Variants in BRAF observed in about 807,000 individuals in gnomAD.
BRAF encodes the protein serine/threonine-protein kinase B-raf.
In BRAF, 16 loss-of-function variants were observed where a neutral mutation model predicts 104.6. The ratio of observed to expected loss-of-function variants is 0.15; its 90% CI spans 0.10 to 0.23. The LOEUF is 0.23. Among genes scored for constraint, BRAF ranks in the 10% least tolerant of loss-of-function variants. BRAF has a pLI of 1.00. For synonymous variants in BRAF, 310 were observed against 341.6 expected, an observed-to-expected ratio of 0.91 and a Z score of 1.02; for missense variants, 541 against 937.3, an observed-to-expected ratio of 0.58 and a Z score of 5.52.
Position 140,724,108 on chromosome 7 carries a change from A to AG in BRAF, c.*2385dup. On this transcript the variant is annotated 3_prime_UTR_variant, in exon 20 of 20. Transcript: ENST00000644969. ...TGCTCCCCCGTTCAAATGAGATACC[A>AG]GCCTATTCTAAAATGCAAGGGAAGA... 9.5e-7 allele frequency: 1 copy of AG among 1,051,160 alleles called. No individual in the cohort carries two copies. Among genetic ancestry groups the AG allele is most frequent in the Non-Finnish European group, 1.1e-6 (1 of 870,420 alleles). The allele number at this position is 1,051,160 out of a possible 1,614,324, so 65.1% of individuals were successfully genotyped here.
rs190361963 is a variant in BRAF, at chr7:140,898,231, A to G, written c.138+26335T>C. Among the ~76,000 whole-genome samples, 613 of 152,284 alleles carry G rather than the reference A, an allele frequency of 4.0e-3. 1 individual carries two copies. The highest frequency in any genetic ancestry group is 6.5e-3 in the Non-Finnish European group (445 of 68,012). Reference sequence around the variant, plus strand: ...AAATAAATAAAAATACAAATAAAAAAGGACTAGAAGGAAATATTTGACATG... The same window carrying G: ...AAATAAATAAAAATACAAATAAAAAGGGACTAGAAGGAAATATTTGACATG... On this transcript the variant is annotated intron_variant, in intron 1 of 19. Coordinates refer to ENST00000644969, the MANE Select transcript of BRAF (RefSeq NM_001374258.1).
chr7:140,767,067 G>A (rs369628314), intron 14 of BRAF, among the ~76,000 whole-genome samples: 34 of 152,102 alleles, frequency 2.2e-4, no homozygotes, highest in African/African-American at 6.3e-4. Flanking sequence ...GCAGTGGCGC[G>A]ATCTTGACTC....
At chr7:140,810,165 T>A (rs988877586) in intron 3 of BRAF, among the ~76,000 whole-genome samples, 5 of 152,174 alleles carry the variant, frequency 3.3e-5, no homozygotes, top group South Asian at 2.1e-4. Context: ...AAGGTAAATA[T>A]AAGACAGCTG....
At chr7:140,787,030 G>A (rs189216268) in intron 9 of BRAF, among the ~76,000 whole-genome samples, 40 of 152,162 alleles carry the variant, frequency 2.6e-4, no homozygotes, top group African/African-American at 8.7e-4. Flanking sequence ...GGCCGGGCGC[G>A]GTGGCTCACG....
intron 7 of BRAF, among the ~76,000 whole-genome samples, chr7:140,798,124 A>G (rs1802675316): frequency 6.6e-6 from 1 of 152,192 alleles, no homozygotes; most frequent in Admixed American, 6.5e-5. Context: ...ACTGATTTTG[A>G]AAAGATTTCT....
Position 140,736,242 on chromosome 7 carries a change from G to A in BRAF, c.2248-1472C>T, listed in dbSNP as rs185925858. The stretch of plus-strand genomic sequence containing the variant: ...TGTGCCACCACGCCCGGATAATTTT[G>A]TATTTTTAGTAGAGACGGGTATCAC... On this transcript the variant is annotated intron_variant, in intron 18 of 19. Transcript: ENST00000644969. 5.3e-5 allele frequency among the ~76,000 whole-genome samples: 8 copies of A among 151,134 alleles called. No homozygotes were observed. In the East Asian group the frequency reaches 1.2e-3, roughly 22 times the overall value.
chr7:140,922,612 A>C (rs1163450453), intron 1 of BRAF, among the ~76,000 whole-genome samples: 1 of 152,246 alleles, frequency 6.6e-6, no homozygotes, highest in Non-Finnish European at 1.5e-5. Context: ...ACAATTCAAC[A>C]AAACTACACA....
At chr7:140,757,934 T>G (rs1470257045) in intron 14 of BRAF, among the ~76,000 whole-genome samples, 2 of 152,250 alleles carry the variant, frequency 1.3e-5, no homozygotes, top group Non-Finnish European at 2.9e-5. Context: ...GATCTTATCC[T>G]TAAGAAAACA....
At chr7:140,786,957 G>A (rs1170565087) in intron 9 of BRAF, among the ~76,000 whole-genome samples, 1 of 152,140 alleles carries the variant, frequency 6.6e-6, no homozygotes, top group East Asian at 1.9e-4. Context: ...GAACGTGTCC[G>A]ATCTTGTCTG....
At chr7:140,714,191 C>T in the BRAF span, among the ~76,000 whole-genome samples, 7 of 152,206 alleles carry the variant, frequency 4.6e-5, no homozygotes, top group Non-Finnish European at 8.8e-5. Flanking sequence ...GAGCTGCAGA[C>T]GGGAGCTGTT....
intron 3 of BRAF, among the ~76,000 whole-genome samples, chr7:140,809,354 A>G (rs557494360): frequency 6.6e-6 from 1 of 152,342 alleles, no homozygotes; most frequent in South Asian, 2.1e-4. Flanking sequence ...TTGATCCAAT[A>G]CTGTTCAAAG....
At chr7:140,889,439 A>C (rs17161763) in intron 1 of BRAF, among the ~76,000 whole-genome samples, 45,582 of 151,946 alleles carry the variant, frequency 0.3, 10,921 homozygotes, top group African/African-American at 0.67. Flanking sequence ...AAATATTACC[A>C]TTTTCTTCAG....
intron 1 of BRAF, among the ~76,000 whole-genome samples, chr7:140,895,188 A>ATTAC (rs1814739805): frequency 6.6e-6 from 1 of 152,236 alleles, no homozygotes; most frequent in South Asian, 2.1e-4. Flanking sequence ...TACCAATACA[A>ATTAC]TTACTTACCT....
At chr7:140,737,492 C>T (rs1020175624) in intron 18 of BRAF, among the ~76,000 whole-genome samples, 1 of 152,192 alleles carries the variant, frequency 6.6e-6, no homozygotes, top group African/African-American at 2.4e-5. Context: ...TTCATATTCC[C>T]TTTGCCCATT....
At chr7:140,740,233 A>G (rs116868921) in intron 17 of BRAF, 1 of 325,072 alleles carries the variant, frequency 3.1e-6, no homozygotes, top group East Asian at 5.9e-5. Context: ...CTCACAGGGT[A>G]ACCATCTAAA....
chr7:140,725,406 T>C lies in BRAF; in HGVS notation c.*1088A>G. 1.1e-6 allele frequency: 1 copy of C among 951,154 alleles called. No homozygotes were observed. The highest frequency in any genetic ancestry group is 1.3e-6 in the Non-Finnish European group (1 of 782,202). 58.9% of individuals were successfully genotyped at this position (951,154 alleles called of 1,614,324 possible). ...ACAAAAATACAATTTTCAGGATATA[T>C]AATTCTGGTGGGAAGTATTGTTTTT... On this transcript the variant is annotated 3_prime_UTR_variant, in exon 20 of 20. Coordinates refer to ENST00000644969, the MANE Select transcript of BRAF (RefSeq NM_001374258.1).
rs2129043562 is a variant in BRAF, at chr7:140,800,344, G to A, written c.980+18C>T. 1 of 1,614,026 alleles carries A rather than the reference G, an allele frequency of 6.2e-7. No homozygotes were observed. Among genetic ancestry groups the A allele is most frequent in the Non-Finnish European group, 8.5e-7 (1 of 1,179,940 alleles). On this transcript the variant is annotated intron_variant, in intron 7 of 19. Transcript: ENST00000644969. Reference sequence around the variant, plus strand: ...GGTTCAAGTAGCATGTCGCCCAAGAGCAGAAGTCAAACCATACCCAATAGA... The same window carrying A: ...GGTTCAAGTAGCATGTCGCCCAAGAACAGAAGTCAAACCATACCCAATAGA...
intron 19 of BRAF, among the ~76,000 whole-genome samples, chr7:140,730,034 A>G (rs1047255766): frequency 6.6e-6 from 1 of 152,222 alleles, no homozygotes; most frequent in African/African-American, 2.4e-5. Flanking sequence ...TCCATAGTTC[A>G]GGAATCAATA....
intron 1 of BRAF, among the ~76,000 whole-genome samples, chr7:140,856,123 AT>A (rs1230896260): frequency 1.3e-5 from 2 of 148,908 alleles, no homozygotes; most frequent in Admixed American, 1.3e-4. Flanking sequence ...GTATATATAA[AT>A]ATATATATTA....
Sources: gnomAD v4.1 joint callset for allele counts (sites outside exome capture counted in the v4.1 genomes callset) on GRCh38, gnomAD v4.1.1 for gene constraint, MANE v1.5 for transcripts, NCBI Gene and HGNC (gene_info 2026-07-23, HGNC 2026-07-21) for gene names.